Variants in ATP5F1B observed in about 807,000 individuals in gnomAD.
ATP5F1B encodes the protein ATP synthase F1 subunit beta.
Under a neutral mutation model 45.9 loss-of-function variants are expected in ATP5F1B, and 17 were observed. The ratio of observed to expected loss-of-function variants is 0.37; its 90% CI spans 0.25 to 0.56. ATP5F1B has a LOEUF of 0.56. Among genes scored for constraint, ATP5F1B ranks in the 20% least tolerant of loss-of-function variants. ATP5F1B has a pLI of 0.80. For synonymous variants in ATP5F1B, 218 were observed against 256.5 expected, an observed-to-expected ratio of 0.85 and a Z score of 1.43; for missense variants, 387 against 673.2, an observed-to-expected ratio of 0.57 and a Z score of 4.70.
intron 7 of ATP5F1B, 88 bp from the exon 8 acceptor site, chr12:56,640,280 G>C (rs1951502492): frequency 8.9e-7 from 1 of 1,126,532 alleles, no homozygotes; most frequent in East Asian, 2.6e-5. Flanking sequence ...CCAGGCTGGA[G>C]TGCAGTGGTG....
At position 56,645,310 on chromosome 12, in the gene ATP5F1B, G is replaced by A. The variant is rs1323228496; in HGVS notation, c.171C>T (p.Gly57=). Residue 57 remains glycine (G), a synonymous_variant, in exon 2 of 10, where the codon GGC becomes GGT. Coordinates refer to ENST00000262030, the MANE Select transcript of ATP5F1B (RefSeq NM_001686.4). ...CCGCCACGATGCGCCCGGTGGCGGC[G>A]CCTGCTTTTGGCGAAGGAGATGTTT... ...AAQTSPSPKA[G]AATGRIVAVI... 6 of 1,614,108 alleles carry A rather than the reference G, an allele frequency of 3.7e-6. No individual in the cohort carries two copies. The East Asian group carries it at 1.3e-4, about 36-fold the overall frequency.
In ATP5F1B at chr12:56,642,677, G is replaced by C; in HGVS notation, c.947C>G (p.Ser316Ter). 2 of 1,614,132 alleles carry C rather than the reference G, an allele frequency of 1.2e-6. No homozygotes were observed. The highest frequency in any genetic ancestry group is 1.7e-6 in the Non-Finnish European group (2 of 1,180,020). ...DNIFRFTQAG[S>*]EVSALLGRIP... is the part of the protein sequence containing the mutation. Reference sequence around the variant, plus strand: ...CTCTCAAGCCTTCCCTCTTACCTCTGAACCAGCCTGGGTGAAGCGAAAGAT... The same window carrying C: ...CTCTCAAGCCTTCCCTCTTACCTCTCAACCAGCCTGGGTGAAGCGAAAGAT... Residue 316 changes from serine to a stop codon, truncating the protein, a stop_gained, in exon 6 of 10, where the codon TCA becomes TGA. Transcript: ENST00000262030. LOFTEE classifies it high-confidence loss of function.
At chr12:56,644,979 G>C (rs758211885) in intron 2 of ATP5F1B, 24 bp from the exon 3 acceptor site, 2 of 1,614,028 alleles carry the variant, frequency 1.2e-6, no homozygotes, top group Non-Finnish European at 1.7e-6. Context: ...GCATCGCAGG[G>C]TTATACATAA....
In ATP5F1B at chr12:56,638,438, A is replaced by AG. The variant is rs1433472949; in HGVS notation, c.1490-16dup. 11 of 1,561,884 alleles carry AG rather than the reference A, an allele frequency of 7.0e-6. No individual in the cohort carries two copies. The highest frequency in any genetic ancestry group is 1.4e-5 in the African/African-American group (1 of 73,204). On this transcript the variant is annotated splice_polypyrimidine_tract_variant and intron_variant, in intron 9 of 9. Transcript: ENST00000262030. Reference sequence around the variant, plus strand: ...GTCATATTCACCTGTATGATGGGGGAGAAAAAAAAAAAGAGTAAGAAGCGG... The same window carrying AG: ...GTCATATTCACCTGTATGATGGGGGAGGAAAAAAAAAAAGAGTAAGAAGCGG...
At chr12:56,643,641 C>G (rs1255654206) in intron 4 of ATP5F1B, 54 bp from the exon 5 acceptor site, 1 of 1,606,530 alleles carries the variant, frequency 6.2e-7, no homozygotes, top group Admixed American at 1.7e-5. Flanking sequence ...CCTAAATAAG[C>G]AAACTTCAAA....
chr12:56,645,936 C>T lies in ATP5F1B; in HGVS notation c.28G>A (p.Ala10Thr). The T allele has an allele frequency of 6.2e-7, 1 of 1,605,686 alleles. No homozygotes were observed. Among genetic ancestry groups the T allele is most frequent in the South Asian group, 1.1e-5 (1 of 89,818 alleles). MLGFVGRVA[A>T]APASGALRRL... ...CGCAAGGCCCCGGAGGCCGGAGCAG[C>T]GGCCACCCGACCCACAAACCCCAAC... Residue 10 changes from alanine to threonine, a missense_variant, in exon 1 of 10, where the codon GCT (alanine) becomes ACT (threonine). Physicochemically the swap from Ala to Thr is moderately conservative, Grantham distance 58. Coordinates refer to ENST00000262030, the MANE Select transcript of ATP5F1B (RefSeq NM_001686.4).
chr12:56,645,949 C>G lies in ATP5F1B; in HGVS notation c.15G>C (p.Val5=). 1 of 1,604,874 alleles carries G rather than the reference C, an allele frequency of 6.2e-7. No homozygotes were observed. The stretch of plus-strand genomic sequence containing the variant: ...AGGCCGGAGCAGCGGCCACCCGACC[C>G]ACAAACCCCAACATGGCGTAGTCCG... MLGF[V]GRVAAAPASG... Residue 5 remains valine (V), a synonymous_variant, in exon 1 of 10, where the codon GTG becomes GTC. Coordinates refer to ENST00000262030, the MANE Select transcript of ATP5F1B (RefSeq NM_001686.4).
intron 5 of ATP5F1B, 100 bp downstream of exon 5, chr12:56,643,303 A>G: frequency 1.7e-6 from 2 of 1,162,358 alleles, no homozygotes; most frequent in East Asian, 2.7e-5. Context: ...ATTTTCTTAA[A>G]AAGAAAAAAA....
chr12:56,645,654 A>C lies in ATP5F1B; in HGVS notation c.127+183T>G, dbSNP rs185784593. On this transcript the variant is annotated intron_variant, in intron 1 of 9. Coordinates refer to ENST00000262030, the MANE Select transcript of ATP5F1B (RefSeq NM_001686.4). ...AAGGACTTTATACAAAATGGGACAGAGCTGGGTCGAAGAAACCTCCTATGG... is the reference window on the plus strand; with the variant it reads ...AAGGACTTTATACAAAATGGGACAGCGCTGGGTCGAAGAAACCTCCTATGG... Among the ~76,000 whole-genome samples, 631 of 152,328 alleles carry C rather than the reference A, an allele frequency of 4.1e-3. 2 individuals carry two copies. Among genetic ancestry groups the C allele is most frequent in the Non-Finnish European group, 6.8e-3 (465 of 68,032 alleles).
Position 56,644,802 on chromosome 12 carries a change from C to T in ATP5F1B, c.464G>A (p.Arg155Lys), listed in dbSNP as rs1436695495. The T allele has an allele frequency of 6.2e-7, 1 of 1,613,624 alleles. No individual in the cohort carries two copies. Among genetic ancestry groups the T allele is most frequent in the Non-Finnish European group, 8.5e-7 (1 of 1,179,644 alleles). Residue 155 changes from arginine (R) to lysine (K), a missense_variant, in exon 3 of 10, where the codon AGA becomes AAA. Physicochemically the swap from Arg to Lys is conservative, Grantham distance 26. Coordinates refer to ENST00000262030, the MANE Select transcript of ATP5F1B (RefSeq NM_001686.4). ...MNVIGEPIDE[R>K]GPIKTKQFAP... ...TTACTGTTTGGTTTTGATGGGACCT[C>T]TTTCATCAATAGGTTCTCCAATGAC...
At chr12:56,644,147 AATT>A (rs1291464940) in intron 3 of ATP5F1B, among the ~76,000 whole-genome samples, 189 bp from the exon 4 acceptor site, 7 of 152,200 alleles carry the variant, frequency 4.6e-5, no homozygotes, top group African/African-American at 1.7e-4. Context: ...CAATAAAGAA[AATT>A]ATTATCTTAG....
intron 4 of ATP5F1B, 124 bp downstream of exon 4, chr12:56,643,713 T>C (rs1306505841): frequency 6.3e-7 from 1 of 1,575,108 alleles, no homozygotes; most frequent in African/African-American, 1.3e-5. Flanking sequence ...TTCAGCAAAC[T>C]CAGAAGAACG....
chr12:56,642,451 T>C lies in ATP5F1B; in HGVS notation c.1074+7A>G. On this transcript the variant is annotated splice_region_variant and intron_variant, in intron 7 of 9. Coordinates refer to ENST00000262030, the MANE Select transcript of ATP5F1B (RefSeq NM_001686.4). ...AATCAGATCTTCATCTATGTAATTT[T>C]TCTTACCTGTACAGAGGTGATAGAT... The C allele has an allele frequency of 1.2e-6, 2 of 1,613,602 alleles. No homozygotes were observed. Among genetic ancestry groups the C allele is most frequent in the Non-Finnish European group, 1.7e-6 (2 of 1,179,986 alleles).
At chr12:56,639,926 A>G in intron 8 of ATP5F1B, 54 bp downstream of exon 8, 2 of 1,580,726 alleles carry the variant, frequency 1.3e-6, no homozygotes. Flanking sequence ...TATAGTCCCC[A>G]CAGGCCCTCT....
At chr12:56,639,447 T>A in intron 8 of ATP5F1B, 140 bp from the exon 9 acceptor site, 1 of 762,370 alleles carries the variant, frequency 1.3e-6, no homozygotes, top group Non-Finnish European at 2.1e-6. Flanking sequence ...CAGTGTCTTG[T>A]TCTCCATAGT....
At chr12:56,643,750 G>A (rs765757845) in intron 4 of ATP5F1B, 87 bp downstream of exon 4, 20 of 1,587,282 alleles carry the variant, frequency 1.3e-5, no homozygotes, top group African/African-American at 6.7e-5. Flanking sequence ...CATCAGTGAG[G>A]AATAGATGTC....
At chr12:56,642,239 G>A (rs2950393) in intron 7 of ATP5F1B, among the ~76,000 whole-genome samples, 45,356 of 151,744 alleles carry the variant, frequency 0.3, 6,923 homozygotes, top group Middle Eastern at 0.37. Context: ...CTCATGATCC[G>A]CGTACCTCAG....
At chr12:56,645,500 C>T (rs1951542806) in intron 1 of ATP5F1B, 147 bp from the exon 2 acceptor site, 4 of 1,018,056 alleles carry the variant, frequency 3.9e-6, no homozygotes, top group Non-Finnish European at 5.6e-6. Flanking sequence ...GAGGGAAGGC[C>T]GCGCAGCGAT....
chr12:56,641,997 AT>A (rs879325088), intron 7 of ATP5F1B, among the ~76,000 whole-genome samples: 51 of 151,058 alleles, frequency 3.4e-4, no homozygotes, highest in Non-Finnish European at 6.1e-4. Context: ...ACCTTCATTT[AT>A]TTTTTTTTAA....
Sources: allele counts gnomAD v4.1 joint callset (sites outside exome capture counted in the v4.1 genomes callset), GRCh38; gene constraint gnomAD v4.1.1; transcripts MANE v1.5; gene names NCBI Gene and HGNC (gene_info 2026-07-23, HGNC 2026-07-21).